Variants in GABRA4 observed in about 807,000 individuals in gnomAD.
The protein encoded by GABRA4 is gamma-aminobutyric acid type A receptor subunit alpha4.
In GABRA4, 12 loss-of-function variants were observed where a neutral mutation model predicts 49.7. The ratio of observed to expected loss-of-function variants is 0.24; its 90% confidence interval spans 0.15 to 0.39. The LOEUF (loss-of-function observed/expected upper bound fraction) is 0.39. GABRA4 is among the 10% of genes least tolerant of loss of function. GABRA4 has a pLI of 1.00. For missense variants in GABRA4, 506 were observed against 686.0 expected (o/e 0.74, Z 2.93); for synonymous variants, 288 against 240.2 (o/e 1.20, Z -1.84).
At chr4:46,961,105 G>C (rs1200243242) in intron 8 of GABRA4, among the ~76,000 whole-genome samples, 1 of 151,812 alleles carries the variant, frequency 6.6e-6, no homozygotes. Context: ...AATTCATTCT[G>C]ATGATTTTCA....
At chr4:46,960,777 T>G (rs1387026719) in intron 8 of GABRA4, among the ~76,000 whole-genome samples, 4 of 151,490 alleles carry the variant, frequency 2.6e-5, no homozygotes, top group Non-Finnish European at 5.9e-5. Flanking sequence ...AAATAAAACA[T>G]AGTGAAAATA....
intron 8 of GABRA4, among the ~76,000 whole-genome samples, chr4:46,941,646 T>C (rs1225660928): frequency 1.3e-5 from 2 of 152,156 alleles, no homozygotes; most frequent in Non-Finnish European, 1.5e-5. Context: ...CCGAACTAAA[T>C]GATAATAGTG....
rs960267153 is a variant in GABRA4, at chr4:46,928,432, T to C, written c.1458A>G (p.Ile486Met). The C allele has an allele frequency of 2.5e-6, 4 of 1,613,550 alleles. No homozygotes were observed. Among genetic ancestry groups the C allele is most frequent in the Non-Finnish European group, 3.4e-6 (4 of 1,179,696 alleles). Reference protein sequence around the residue: ...RHVFGSRLQRIKTTVNTIGAT... With the variant: ...RHVFGSRLQRMKTTVNTIGAT... ...CCCCTATGGTATTAACTGTGGTCTT[T>C]ATCCTCTGCAGTCTTGATCCAAACA... The change falls in exon 9 of 9, where the codon ATA becomes ATG. Residue 486 changes from isoleucine to methionine, a missense_variant. By Grantham distance (10) the Ile-to-Met change is conservative. Around this residue, in one of 5 missense-constraint regions of GABRA4, gnomAD observed 243 missense variants for 210.8 expected, o/e 1.15. Coordinates refer to ENST00000264318, the MANE Select transcript of GABRA4 (RefSeq NM_000809.4).
In GABRA4 at chr4:46,924,921, C is replaced by A. The variant is rs140167211; in HGVS notation, c.*3304G>T. 1 of 151,942 alleles carries A rather than the reference C, an allele frequency of 6.6e-6. No individual in the cohort carries two copies. Among genetic ancestry groups the A allele is most frequent in the Non-Finnish European group, 1.5e-5 (1 of 67,914 alleles). 9.4% of individuals were successfully genotyped at this position (151,942 alleles called of 1,614,324 possible). On this transcript the variant is annotated 3_prime_UTR_variant, in exon 9 of 9. Transcript: ENST00000264318. ...AGGTTAAGAGACTTGTTTAAAACCACAAGACACTCAGAACTTGAAATTAAG... is the reference window on the plus strand; with the variant it reads ...AGGTTAAGAGACTTGTTTAAAACCAAAAGACACTCAGAACTTGAAATTAAG...
In GABRA4 at chr4:46,969,868, C is replaced by T. The variant is rs561849105; in HGVS notation, c.874+1215G>A. 5.9e-5 allele frequency among the ~76,000 whole-genome samples: 9 copies of T among 151,468 alleles called. 2 individuals are homozygous for T. The highest frequency in any genetic ancestry group is 2.2e-4 in the African/African-American group (9 of 41,456). On this transcript the variant is annotated intron_variant, in intron 7 of 8. Coordinates refer to ENST00000264318, the MANE Select transcript of GABRA4 (RefSeq NM_000809.4). ...AATTTATTCAACACTTTGAGTTGTG[C>T]AGTTATTCTTTAATTGAACCCTTAT...
intron 8 of GABRA4, among the ~76,000 whole-genome samples, chr4:46,955,922 G>A (rs1049532303): frequency 6.6e-5 from 10 of 152,058 alleles, no homozygotes; most frequent in African/African-American, 2.4e-4. Flanking sequence ...TGAATCCTCA[G>A]TGCTTTGCAG....
At chr4:46,973,517 A>T (rs1240367671) in intron 6 of GABRA4, among the ~76,000 whole-genome samples, 2 of 151,734 alleles carry the variant, frequency 1.3e-5, no homozygotes, top group African/African-American at 2.4e-5. Flanking sequence ...GTTGTTTATG[A>T]GCCGCCCTAT....
chr4:46,939,096 G>A (rs1261721315), intron 8 of GABRA4, among the ~76,000 whole-genome samples: 6 of 152,078 alleles, frequency 3.9e-5, no homozygotes, highest in East Asian at 1.9e-4. Context: ...CCCTTATGGG[G>A]TGAGGGAAGA....
rs537502213 is a variant in GABRA4, at chr4:46,920,239, G to A, written c.*7986C>T. On this transcript the variant is annotated 3_prime_UTR_variant, in exon 9 of 9. Transcript: ENST00000264318. The stretch of plus-strand genomic sequence containing the variant: ...TGGACTTCAAGTAATAATTTGTATA[G>A]ATACCCATGGAAATCTATAGTTTGC... 9 of 151,692 alleles carry A rather than the reference G, an allele frequency of 5.9e-5. No homozygotes were observed. The South Asian group carries it at 1.9e-3, about 31-fold the overall frequency. The allele number at this position is 151,692 out of a possible 1,614,324, so 9.4% of individuals were successfully genotyped here. A position where few individuals can be genotyped will look rare whatever the true frequency, so the allele number is the denominator to read the frequency against.
chr4:46,981,301 T>C (rs1723347529), intron 2 of GABRA4, among the ~76,000 whole-genome samples: 1 of 152,068 alleles, frequency 6.6e-6, no homozygotes, highest in Non-Finnish European at 1.5e-5. Flanking sequence ...TATTTTAAAG[T>C]GTGTGGGCGT....
chr4:46,978,926 G>T, intron 3 of GABRA4, 105 bp downstream of exon 3: 3 of 756,252 alleles, frequency 4.0e-6, no homozygotes, highest in Non-Finnish European at 7.0e-6. Context: ...GATTCTTTAG[G>T]TTTCTGGCTT....
intron 2 of GABRA4, among the ~76,000 whole-genome samples, chr4:46,980,215 T>C (rs1723302821): frequency 6.6e-6 from 1 of 151,992 alleles, no homozygotes; most frequent in Non-Finnish European, 1.5e-5. Context: ...ACAACAAAAA[T>C]ATAAAAATTG....
intron 8 of GABRA4, 134 bp from the exon 9 acceptor site, chr4:46,928,889 G>T: frequency 1.6e-6 from 1 of 607,514 alleles, no homozygotes; most frequent in Non-Finnish European, 2.8e-6. Flanking sequence ...TAGTCATCTT[G>T]ATTTTAAAAA....
intron 8 of GABRA4, among the ~76,000 whole-genome samples, chr4:46,957,198 C>T (rs889118570): frequency 1.1e-4 from 17 of 151,820 alleles, no homozygotes; most frequent in Non-Finnish European, 1.3e-4. Context: ...ATACTTAAGG[C>T]CATATCCTCA....
At chr4:46,978,022 T>TA (rs1482950308) in intron 3 of GABRA4, among the ~76,000 whole-genome samples, 1 of 152,096 alleles carries the variant, frequency 6.6e-6, no homozygotes, top group East Asian at 1.9e-4. Flanking sequence ...GTAGGCATTT[T>TA]AAAGACAAAA....
chr4:46,987,899 G>A (rs1371564966), intron 2 of GABRA4, among the ~76,000 whole-genome samples: 1 of 152,014 alleles, frequency 6.6e-6, no homozygotes, highest in South Asian at 2.1e-4. Context: ...GGTTCACTAA[G>A]AGAATAAGTT....
chr4:46,961,574 G>C (rs1397669733), intron 8 of GABRA4, among the ~76,000 whole-genome samples: 1 of 151,878 alleles, frequency 6.6e-6, no homozygotes, highest in Non-Finnish European at 1.5e-5. Flanking sequence ...TGGCACAAAT[G>C]TATATTTGTT....
intron 6 of GABRA4, among the ~76,000 whole-genome samples, chr4:46,973,837 A>G (rs886746785): frequency 1.3e-5 from 2 of 151,732 alleles, no homozygotes; most frequent in African/African-American, 4.8e-5. Context: ...AGAAAGTGGC[A>G]CCACAAAATT....
rs1479566964 is a variant in GABRA4 at position 46,971,125 on chromosome 4, A to G, written c.832T>C (p.Phe278Leu). 6.2e-7 allele frequency: 1 copy of G among 1,609,662 alleles called. No homozygotes were observed. The highest frequency in any genetic ancestry group is 1.7e-5 in the Admixed American group (1 of 59,666). ...IMTVILSQVS[F>L]WINKESVPAR... ...GGAACTGATTCTTTATTTATCCAAA[A>G]TGAAACTTGAGAAAGAATCACTGTC... Residue 278 changes from phenylalanine (F) to leucine (L), a missense_variant, in exon 7 of 9, where the codon TTT becomes CTT. Phe to Leu is a conservative substitution (Grantham distance 22, BLOSUM62 0). Around this residue, in one of 5 missense-constraint regions of GABRA4, gnomAD observed 33 missense variants for 102.5 expected, o/e 0.32. Transcript: ENST00000264318.
Sources: allele counts gnomAD v4.1 joint callset (sites outside exome capture counted in the v4.1 genomes callset), GRCh38; gene constraint gnomAD v4.1.1; regional missense constraint gnomAD v4.1.1; transcripts MANE v1.5; gene names NCBI Gene and HGNC (gene_info 2026-07-23, HGNC 2026-07-21).